Variants in ASS1 observed in about 807,000 individuals in gnomAD.
ASS1 encodes argininosuccinate synthase.
Under a neutral mutation model 60.5 loss-of-function variants are expected in ASS1, and 58 were observed. That is an observed-to-expected ratio of 0.96 (90% confidence interval 0.78 to 1.19). ASS1 has a LOEUF of 1.19. Ranked by LOEUF, ASS1 falls within the 50% of genes most tolerant of loss-of-function variation. ASS1 has a pLI of 0.00. For synonymous variants in ASS1, 200 were observed against 206.9 expected, an observed-to-expected ratio of 0.97 and a Z score of 0.29; for missense variants, 454 against 547.3, an observed-to-expected ratio of 0.83 and a Z score of 1.70.
chr9:130,475,054 A>G (rs1253722480), intron 8 of ASS1, among the ~76,000 whole-genome samples: 1 of 152,208 alleles, frequency 6.6e-6, no homozygotes, highest in African/African-American at 2.4e-5. Flanking sequence ...TCTTAGAAGG[A>G]TCAATTGTCC....
intron 5 of ASS1, among the ~76,000 whole-genome samples, chr9:130,465,056 A>ATATATATATTTTTTTTTTTTTTTTT (rs1479147331): frequency 1.7e-5 from 2 of 120,150 alleles, no homozygotes; most frequent in African/African-American, 7.2e-5. Context: ...ATATATATAT[A>ATATATATATTTTTTTTTTTTTTTTT]TTTTTTTTTT....
chr9:130,480,373 T>C lies in ASS1; in HGVS notation c.774-12T>C. 6.2e-7 allele frequency: 1 copy of C among 1,614,182 alleles called. No homozygotes were observed. Among genetic ancestry groups the C allele is most frequent in the Non-Finnish European group, 8.5e-7 (1 of 1,180,018 alleles). On this transcript the variant is annotated splice_polypyrimidine_tract_variant and intron_variant, in intron 10 of 14. Coordinates refer to ENST00000352480, the MANE Select transcript of ASS1 (RefSeq NM_054012.4). The stretch of plus-strand genomic sequence containing the variant: ...GTAGCGCCCGAACCTAATGGACCAG[T>C]TCTTCCCACAGGGGCAAGCATGGCG...
intron 11 of ASS1, among the ~76,000 whole-genome samples, chr9:130,481,745 C>T (rs1179849431): frequency 4.6e-5 from 7 of 152,156 alleles, no homozygotes; most frequent in Admixed American, 2.0e-4. Context: ...GGGGCGGGGA[C>T]GGGCTTGCCT....
chr9:130,463,989 A>T, intron 4 of ASS1, 122 bp from the exon 5 acceptor site: 1 of 1,006,068 alleles, frequency 9.9e-7, no homozygotes, highest in Non-Finnish European at 1.6e-6. Flanking sequence ...GCATGACCTC[A>T]CATGTGTACA....
At position 130,489,241 on chromosome 9, in the gene ASS1, TATTA is replaced by T; in HGVS notation, c.839-91_839-88del. Reference sequence around the variant, plus strand: ...CTCCTGTCAGACGACTCATTATTATTATTATTTTTTTTTTTGTCATTTGCTGACA... The same window carrying T: ...CTCCTGTCAGACGACTCATTATTATTTTTTTTTTTTTGTCATTTGCTGACA... On this transcript the variant is annotated intron_variant, in intron 11 of 14. Transcript: ENST00000352480. The surrounding 1 kb of genome is among the most constrained non-coding windows in gnomAD (Gnocchi z 4.1). 7.5e-6 allele frequency: 11 copies of T among 1,469,656 alleles called. No homozygotes were observed. The South Asian group carries it at 1.2e-4, about 16-fold the overall frequency. 91.0% of individuals were successfully genotyped at this position (1,469,656 alleles called of 1,614,324 possible).
In ASS1 at chr9:130,494,947, G is replaced by A. The variant is rs773909247; in HGVS notation, c.1051G>A (p.Val351Met). Residue 351 changes from valine (V) to methionine (M), a missense_variant, in exon 13 of 15, where the codon GTG (valine) becomes ATG (methionine). By Grantham distance (21) the Val-to-Met change is conservative. Transcript: ENST00000352480. This position sits in a 1 kb window ranked among gnomAD's most constrained non-coding sequence, Gnocchi z 4.3. ...SQERVEGKVQ[V>M]SVLKGQVYIL... ...GGAGCGAGTGGAAGGGAAAGTGCAG[G>A]TGTCCGTCCTCAAGGGCCAGGTGTA... 17 of 1,613,512 alleles carry A rather than the reference G, an allele frequency of 1.1e-5. No individual in the cohort carries two copies. The highest frequency in any genetic ancestry group is 3.3e-5 in the Admixed American group (2 of 59,994).
chr9:130,453,415 G>A (rs1845369554), intron 2 of ASS1, among the ~76,000 whole-genome samples: 1 of 152,354 alleles, frequency 6.6e-6, no homozygotes, highest in South Asian at 2.1e-4. Flanking sequence ...GTCTAACTGC[G>A]CCCAATGCCC....
In ASS1 at chr9:130,478,187, T is replaced by C. The variant is rs1846071030; in HGVS notation, c.688+1226T>C. 6.6e-6 allele frequency among the ~76,000 whole-genome samples: 1 copy of C among 152,246 alleles called. No individual in the cohort carries two copies. The highest frequency in any genetic ancestry group is 6.5e-5 in the Admixed American group (1 of 15,290). On this transcript the variant is annotated intron_variant, in intron 9 of 14. Transcript: ENST00000352480. The surrounding 1 kb of genome is among the most constrained non-coding windows in gnomAD (Gnocchi z 4.7). ...CCAGCGACTGTCTTCCTTGCTCCCC[T>C]TCATCTGTCCCAACCTACTGGGGGG...
intron 6 of ASS1, among the ~76,000 whole-genome samples, chr9:130,469,207 C>T (rs532652822): frequency 8.5e-5 from 13 of 152,348 alleles, no homozygotes; most frequent in Admixed American, 2.6e-4. Context: ...CCAGTCTTGC[C>T]TTGCACAGGG....
At chr9:130,464,071 C>A in intron 4 of ASS1, 40 bp from the exon 5 acceptor site, 1 of 1,612,772 alleles carries the variant, frequency 6.2e-7, no homozygotes, top group Non-Finnish European at 8.5e-7. Context: ...CCAGAACCCC[C>A]ATCCTGTGGC....
Position 130,478,846 on chromosome 9 carries a change from C to T in ASS1, c.689-870C>T, listed in dbSNP as rs368851040. On this transcript the variant is annotated intron_variant, in intron 9 of 14. Transcript: ENST00000352480. The surrounding 1 kb of genome is among the most constrained non-coding windows in gnomAD (Gnocchi z 4.7). ...GTTAAGAATGGCGAGGCTGACAGCG[C>T]CTTGAGTGAAGCCCCTCCAAGCGGC... 3.3e-5 allele frequency among the ~76,000 whole-genome samples: 5 copies of T among 152,292 alleles called. No individual in the cohort carries two copies. The South Asian group carries it at 6.2e-4, about 19-fold the overall frequency.
At chr9:130,450,958 G>A (rs1220510085) in intron 1 of ASS1, among the ~76,000 whole-genome samples, 2 of 152,358 alleles carry the variant, frequency 1.3e-5, no homozygotes, top group East Asian at 3.9e-4. Flanking sequence ...GCTGGGGCCA[G>A]GTGTCCACGG....
intron 7 of ASS1, among the ~76,000 whole-genome samples, 153 bp downstream of exon 7, chr9:130,471,057 C>T (rs1353631991): frequency 2.0e-5 from 3 of 152,194 alleles, no homozygotes; most frequent in Non-Finnish European, 2.9e-5. Context: ...TCGAAGCGCC[C>T]GGCTCATGCA....
intron 1 of ASS1, among the ~76,000 whole-genome samples, chr9:130,451,354 T>G (rs1845321427): frequency 6.6e-6 from 1 of 152,148 alleles, no homozygotes; most frequent in Non-Finnish European, 1.5e-5. Context: ...GGCCGCTGGT[T>G]GCAGAGGTCT....
chr9:130,470,877 G>T lies in ASS1; in HGVS notation c.539G>T (p.Ser180Ile), dbSNP rs121908638. 5 of 1,614,008 alleles carry T rather than the reference G, an allele frequency of 3.1e-6. No individual in the cohort carries two copies. In the Admixed American group the frequency reaches 5.0e-5, roughly 16 times the overall value. Reference sequence around the variant, plus strand: ...CCGGTCACTCCCAAGAACCCGTGGAGCATGGATGAGAACCTCATGCACATC... The same window carrying T: ...CCGGTCACTCCCAAGAACCCGTGGATCATGGATGAGAACCTCATGCACATC... ...PIPVTPKNPW[S>I]MDENLMHISY... The change falls in exon 7 of 15, where the codon AGC becomes ATC. Residue 180 changes from serine to isoleucine, a missense_variant. By Grantham distance (142) the Ser-to-Ile change is moderately radical. Transcript: ENST00000352480. This position sits in a 1 kb window ranked among gnomAD's most constrained non-coding sequence, Gnocchi z 4.3.
intron 9 of ASS1, among the ~76,000 whole-genome samples, chr9:130,479,269 C>T (rs986732948): frequency 2.6e-5 from 4 of 152,008 alleles, no homozygotes; most frequent in African/African-American, 7.2e-5. Context: ...GCCTGACAGA[C>T]GTGGCAGGGG....
rs376468023 is a variant in ASS1 at position 130,489,248 on chromosome 9, T to A, written c.839-85T>A. The A allele has an allele frequency of 7.8e-4, 1,204 of 1,544,670 alleles. 8 individuals carry two copies. The highest frequency in any genetic ancestry group is 6.9e-3 in the African/African-American group (503 of 72,978). On this transcript the variant is annotated intron_variant, in intron 11 of 14. Coordinates refer to ENST00000352480, the MANE Select transcript of ASS1 (RefSeq NM_054012.4). The surrounding 1 kb of genome is among the most constrained non-coding windows in gnomAD (Gnocchi z 4.1). ...CAGACGACTCATTATTATTATTATT[T>A]TTTTTTTTGTCATTTGCTGACAGTT...
In ASS1 at chr9:130,476,620, G is replaced by T. The variant is rs1310276766; in HGVS notation, c.598-251G>T. On this transcript the variant is annotated intron_variant, in intron 8 of 14. Transcript: ENST00000352480. The surrounding 1 kb of genome is among the most constrained non-coding windows in gnomAD (Gnocchi z 4.9). Reference sequence around the variant, plus strand: ...CCAGCTATTCTACCTCCAGCTGTGGGGGCGTCGAAGAAAAAGATGAGATCA... The same window carrying T: ...CCAGCTATTCTACCTCCAGCTGTGGTGGCGTCGAAGAAAAAGATGAGATCA... 12 of 582,436 alleles carry T rather than the reference G, an allele frequency of 2.1e-5. No homozygotes were observed. The highest frequency in any genetic ancestry group is 3.4e-5 in the Non-Finnish European group (11 of 325,104). 36.1% of individuals were successfully genotyped at this position (582,436 alleles called of 1,614,324 possible). A position where few individuals can be genotyped will look rare whatever the true frequency, so the allele number is the denominator to read the frequency against.
intron 5 of ASS1, among the ~76,000 whole-genome samples, chr9:130,465,037 TA>T (rs1564906842): frequency 3.4e-5 from 4 of 119,330 alleles, no homozygotes; most frequent in African/African-American, 1.0e-4. Context: ...ATATGTTTTA[TA>T]TATATATATA....
Sources: allele counts gnomAD v4.1 joint callset (sites outside exome capture counted in the v4.1 genomes callset), GRCh38; gene constraint gnomAD v4.1.1; non-coding constraint Gnocchi (gnomAD v3.1); transcripts MANE v1.5; gene names NCBI Gene and HGNC (gene_info 2026-07-23, HGNC 2026-07-21).